Variants in CTNNA2 observed in about 807,000 individuals in gnomAD.
CTNNA2 encodes catenin alpha-2.
In CTNNA2, 42 loss-of-function variants were observed where a neutral mutation model predicts 101.0. The ratio of observed to expected loss-of-function variants is 0.42; its 90% CI spans 0.32 to 0.54. The LOEUF (loss-of-function observed/expected upper bound fraction) is 0.54, where lower values mean the gene tolerates loss of function less well. Ranked by LOEUF, CTNNA2 falls within the 20% of genes least tolerant of loss-of-function variation. The pLI is 0.14. For missense variants in CTNNA2, 871 were observed against 1,223.1 expected (o/e 0.71, Z 4.29); for synonymous variants, 450 against 456.4 (o/e 0.99, Z 0.18).
intron 1 of CTNNA2, among the ~76,000 whole-genome samples, chr2:79,190,806 C>T (rs575280037): frequency 2.6e-5 from 4 of 152,164 alleles, no homozygotes; most frequent in South Asian, 4.1e-4. Flanking sequence ...GACTTTTTGT[C>T]GCAAGTAAGA....
In CTNNA2 at chr2:80,545,210, C is replaced by A. The variant is rs1219181895; in HGVS notation, c.1383+136C>A. ...CATTTATGAGCTGTTTCAAGTTCTA[C>A]CTTTCTCAGAAAGAATAAACCATAC... is the stretch of plus-strand genomic sequence containing the variant. On this transcript the variant is annotated intron_variant, in intron 10 of 18. Coordinates refer to ENST00000402739, the MANE Select transcript of CTNNA2 (RefSeq NM_001282597.3). 5.0e-6 allele frequency: 4 copies of A among 802,642 alleles called. No individual in the cohort carries two copies. In the African/African-American group the frequency reaches 5.2e-5, roughly 10 times the overall value. 49.7% of individuals were successfully genotyped at this position (802,642 alleles called of 1,614,324 possible). A position where few individuals can be genotyped will look rare whatever the true frequency, so the allele number is the denominator to read the frequency against.
At chr2:79,720,392 A>G (rs117270013) in intron 2 of CTNNA2, among the ~76,000 whole-genome samples, 3 of 152,038 alleles carry the variant, frequency 2.0e-5, no homozygotes, top group Non-Finnish European at 4.4e-5. Flanking sequence ...TTTTGGTTCC[A>G]TATTACTTAA....
intron 7 of CTNNA2, among the ~76,000 whole-genome samples, chr2:80,151,295 C>A (rs1351405597): frequency 6.6e-6 from 1 of 152,152 alleles, no homozygotes; most frequent in Admixed American, 6.5e-5. Context: ...CATACCAAAC[C>A]AACTAGAAAT....
chr2:79,210,166 A>G (rs900591434), intron 2 of CTNNA2, among the ~76,000 whole-genome samples: 1 of 151,414 alleles, frequency 6.6e-6, no homozygotes, highest in Non-Finnish European at 1.5e-5. Flanking sequence ...CTAGGAACCC[A>G]CGTGGAGATT....
rs540006613 is a variant in CTNNA2 at position 80,384,304 on chromosome 2, T to A, written c.1057-8907T>A. Among the ~76,000 whole-genome samples, 12 of 152,148 alleles carry A rather than the reference T, an allele frequency of 7.9e-5. 1 individual carries two copies. The highest frequency in any genetic ancestry group is 5.2e-4 in the Admixed American group (8 of 15,290). ...TGCACTGTTTGGCACACTACCTGCA[T>A]GACGGATTTGATGTGACACATAATG... On this transcript the variant is annotated intron_variant, in intron 7 of 18. Coordinates refer to ENST00000402739, the MANE Select transcript of CTNNA2 (RefSeq NM_001282597.3).
chr2:79,541,142 A>G (rs909906814), intron 1 of CTNNA2, among the ~76,000 whole-genome samples: 7 of 151,842 alleles, frequency 4.6e-5, no homozygotes, highest in Admixed American at 3.9e-4. Context: ...AACATTTTTA[A>G]CCTTGAAAGT....
At chr2:80,259,837 C>T (rs1013207654) in intron 7 of CTNNA2, among the ~76,000 whole-genome samples, 6 of 152,146 alleles carry the variant, frequency 3.9e-5, no homozygotes, top group African/African-American at 1.4e-4. Context: ...TTTCCCTTTA[C>T]GAATACTTCC....
intron 1 of CTNNA2, among the ~76,000 whole-genome samples, chr2:79,635,620 C>T (rs1679979324): frequency 6.6e-6 from 1 of 150,832 alleles, no homozygotes; most frequent in African/African-American, 2.4e-5. Flanking sequence ...TTTCCTGCCT[C>T]ACCCTCCCAA....
At chr2:80,081,800 T>A (rs1201923251) in intron 7 of CTNNA2, among the ~76,000 whole-genome samples, 1 of 151,888 alleles carries the variant, frequency 6.6e-6, no homozygotes, top group Non-Finnish European at 1.5e-5. Flanking sequence ...TCTCTCTCTA[T>A]CTCCTCTCTC....
At chr2:79,670,704 TATC>T (rs754642436) in intron 2 of CTNNA2, among the ~76,000 whole-genome samples, 13 of 152,212 alleles carry the variant, frequency 8.5e-5, no homozygotes, top group Non-Finnish European at 1.5e-4. Context: ...AAAACCAATA[TATC>T]ATCACAGTGG....
intron 14 of CTNNA2, among the ~76,000 whole-genome samples, chr2:80,588,203 GT>G (rs575189053): frequency 2.2e-3 from 338 of 152,284 alleles, no homozygotes; most frequent in African/African-American, 7.8e-3. Flanking sequence ...TAACACATGT[GT>G]TTTCTCCATA....
chr2:80,416,848 T>G (rs1658420175), intron 8 of CTNNA2, among the ~76,000 whole-genome samples: 1 of 152,100 alleles, frequency 6.6e-6, no homozygotes, highest in South Asian at 2.1e-4. Context: ...CTTATACCCT[T>G]GAAAGTCAGT....
intron 3 of CTNNA2, among the ~76,000 whole-genome samples, chr2:79,753,914 G>C (rs964669164): frequency 2.8e-5 from 4 of 145,170 alleles, no homozygotes; most frequent in Admixed American, 1.4e-4. Flanking sequence ...TGTCACCCAG[G>C]TTGGAGTGCA....
chr2:79,420,033 A>G (rs187749655), intron 4 of CTNNA2, among the ~76,000 whole-genome samples: 27 of 152,186 alleles, frequency 1.8e-4, no homozygotes, highest in African/African-American at 5.8e-4. Context: ...TAGTTATGAA[A>G]TGGCCCTCAC....
chr2:79,454,066 G>C (rs921998122), intron 4 of CTNNA2, among the ~76,000 whole-genome samples: 1 of 152,066 alleles, frequency 6.6e-6, no homozygotes, highest in African/African-American at 2.4e-5. Flanking sequence ...AAATAGGATC[G>C]GGAAGAGAAC....
At chr2:79,984,452 C>T (rs1691616519) in intron 7 of CTNNA2, among the ~76,000 whole-genome samples, 1 of 152,164 alleles carries the variant, frequency 6.6e-6, no homozygotes, top group Admixed American at 6.6e-5. Flanking sequence ...ACCTTAAACC[C>T]TGATTTTCCA....
intron 7 of CTNNA2, among the ~76,000 whole-genome samples, chr2:80,351,239 T>A (rs1404242676): frequency 6.6e-6 from 1 of 152,170 alleles, no homozygotes; most frequent in Non-Finnish European, 1.5e-5. Context: ...GAACCAAAAG[T>A]GACCTCTTTC....
chr2:79,237,645 A>C (rs1674573470), intron 2 of CTNNA2, among the ~76,000 whole-genome samples: 1 of 152,210 alleles, frequency 6.6e-6, no homozygotes. Context: ...TTTTCTTCAA[A>C]GATCTTAGCT....
intron 2 of CTNNA2, among the ~76,000 whole-genome samples, chr2:79,250,231 A>C (rs1410474288): frequency 7.2e-6 from 1 of 138,032 alleles, no homozygotes; most frequent in Non-Finnish European, 1.5e-5. Context: ...TTTGTAGCCT[A>C]TTTAGGCATT....
Sources: allele counts gnomAD v4.1 joint callset (sites outside exome capture counted in the v4.1 genomes callset), GRCh38; gene constraint gnomAD v4.1.1; transcripts MANE v1.5; gene names NCBI Gene and HGNC (gene_info 2026-07-23, HGNC 2026-07-21).